Variants in TFDP2 observed in about 807,000 individuals in gnomAD.
TFDP2 encodes transcription factor Dp-2 (E2F dimerization partner 2).
In TFDP2, 17 loss-of-function variants were observed where a neutral mutation model predicts 59.3. The ratio of observed to expected loss-of-function variants is 0.29; its 90% CI spans 0.20 to 0.43. The LOEUF (loss-of-function observed/expected upper bound fraction) is 0.43, where lower values mean the gene tolerates loss of function less well. Among genes scored for constraint, TFDP2 ranks in the 20% least tolerant of loss-of-function variants. The probability of loss-of-function intolerance (pLI) is 1.00; values close to 1 mark genes in which losing one functional copy is unlikely to be tolerated. For synonymous variants in TFDP2, 180 were observed against 194.7 expected, an observed-to-expected ratio of 0.92 and a Z score of 0.63; for missense variants, 391 against 528.8, an observed-to-expected ratio of 0.74 and a Z score of 2.56.
intron 3 of TFDP2, among the ~76,000 whole-genome samples, chr3:142,080,913 C>T (rs566032324): frequency 2.6e-5 from 4 of 152,268 alleles, no homozygotes; most frequent in African/African-American, 9.6e-5. Context: ...CCACTTTGAG[C>T]AATGAACAGA....
At chr3:142,094,990 T>C (rs1194084715) in intron 2 of TFDP2, among the ~76,000 whole-genome samples, 1 of 140,132 alleles carries the variant, frequency 7.1e-6, no homozygotes, top group Non-Finnish European at 1.5e-5. Flanking sequence ...CTTATATTTT[T>C]CTTCTTCTTT....
intron 1 of TFDP2, among the ~76,000 whole-genome samples, chr3:142,103,330 GA>G (rs148259085): frequency 2.1e-3 from 306 of 148,200 alleles, no homozygotes; most frequent in African/African-American, 7.3e-3. Context: ...CACTGAACTA[GA>G]AAAAAAAAAC....
intron 3 of TFDP2, among the ~76,000 whole-genome samples, chr3:142,039,287 T>C (rs535152196): frequency 5.3e-5 from 8 of 152,350 alleles, no homozygotes; most frequent in Admixed American, 3.3e-4. Flanking sequence ...TTTTTATTTG[T>C]ATTGCATTTA....
At chr3:141,980,268 AAAAC>A (rs976831479) in intron 6 of TFDP2, among the ~76,000 whole-genome samples, 4 of 151,854 alleles carry the variant, frequency 2.6e-5, no homozygotes, top group Admixed American at 1.3e-4. Flanking sequence ...TAGAAATTAA[AAAAC>A]AAACAGAAAA....
chr3:142,020,462 G>C (rs929233247), intron 3 of TFDP2, among the ~76,000 whole-genome samples: 1 of 151,740 alleles, frequency 6.6e-6, no homozygotes, highest in Non-Finnish European at 1.5e-5. Flanking sequence ...TTGCACTCGG[G>C]AAGTGGAGGT....
chr3:142,076,902 T>A (rs2060477078), intron 3 of TFDP2, among the ~76,000 whole-genome samples: 1 of 152,182 alleles, frequency 6.6e-6, no homozygotes, highest in Admixed American at 6.5e-5. Context: ...GGAGCGATCA[T>A]AATACCTGGT....
rs909856414 is a variant in TFDP2 at position 141,983,351 on chromosome 3, A to C, written c.357-4669T>G. 2.6e-5 allele frequency among the ~76,000 whole-genome samples: 4 copies of C among 152,176 alleles called. No individual in the cohort carries two copies. In the South Asian group the frequency reaches 6.2e-4, roughly 24 times the overall value. On this transcript the variant is annotated intron_variant, in intron 6 of 12. Transcript: ENST00000489671. Reference sequence around the variant, plus strand: ...GAAACAACTCAATTCAAAAATGGGCAAAGGGCCAGGTGCAGTGGCTCGTGC... The same window carrying C: ...GAAACAACTCAATTCAAAAATGGGCCAAGGGCCAGGTGCAGTGGCTCGTGC...
At chr3:142,016,545 T>C (rs931059585) in intron 3 of TFDP2, among the ~76,000 whole-genome samples, 4 of 151,446 alleles carry the variant, frequency 2.6e-5, no homozygotes, top group African/African-American at 4.9e-5. Context: ...AAGCGATCCA[T>C]GTGCCTTGGC....
intron 1 of TFDP2, among the ~76,000 whole-genome samples, chr3:142,111,372 T>G (rs1235842759): frequency 6.9e-6 from 1 of 144,254 alleles, no homozygotes; most frequent in Non-Finnish European, 1.5e-5. Flanking sequence ...AGGTTGCAGT[T>G]AGCTGAGATC....
At position 142,149,435 on chromosome 3, in the gene TFDP2, TGCGGCAGCGCCGCAGCCGA is replaced by T. The variant is rs1199363159; in HGVS notation, c.-364_-346del. ...GGGCGCGCCCCGCGGGCCGGGCAGC[TGCGGCAGCGCCGCAGCCGA>T]GATCGCTACCGATTTCGTCCGCCCT... On this transcript the variant is annotated 5_prime_UTR_variant, in exon 1 of 13. Coordinates refer to ENST00000489671, the MANE Select transcript of TFDP2 (RefSeq NM_001178139.2). The T allele has an allele frequency of 2.6e-6, 1 of 380,414 alleles. No homozygotes were observed. The highest frequency in any genetic ancestry group is 4.7e-6 in the Non-Finnish European group (1 of 214,828). The allele number at this position is 380,414 out of a possible 1,614,324, so 23.6% of individuals were successfully genotyped here. A position where few individuals can be genotyped will look rare whatever the true frequency, so the allele number is the denominator to read the frequency against.
chr3:142,090,138 C>T (rs1357543150), intron 3 of TFDP2, among the ~76,000 whole-genome samples: 1 of 152,068 alleles, frequency 6.6e-6, no homozygotes, highest in Non-Finnish European at 1.5e-5. Flanking sequence ...GCTAACAGCT[C>T]AAAGAAGAGC....
chr3:142,061,894 A>T (rs1299484150), intron 3 of TFDP2, among the ~76,000 whole-genome samples: 1,287 of 5,400 alleles, frequency 0.24, 14 homozygotes, highest in Admixed American at 0.31. Flanking sequence ...CTCTCTACAC[A>T]CACACACACA....
At chr3:142,101,374 A>T (rs73233875) in intron 2 of TFDP2, among the ~76,000 whole-genome samples, 12,795 of 151,090 alleles carry the variant, frequency 0.085, 679 homozygotes, top group Middle Eastern at 0.14. Context: ...AAAAAAAAAA[A>T]TAAGCCAAAG....
intron 1 of TFDP2, among the ~76,000 whole-genome samples, chr3:142,125,280 T>C (rs1052289563): frequency 6.6e-6 from 1 of 152,026 alleles, no homozygotes; most frequent in Non-Finnish European, 1.5e-5. Context: ...ATAAGAGAAA[T>C]GTAAAATAAG....
intron 3 of TFDP2, among the ~76,000 whole-genome samples, chr3:142,092,149 TACC>T: frequency 2.0e-5 from 3 of 152,204 alleles, no homozygotes; most frequent in Non-Finnish European, 4.4e-5. Context: ...TTATCTATAA[TACC>T]ACCCACTTTA....
intron 2 of TFDP2, among the ~76,000 whole-genome samples, 192 bp downstream of exon 2, chr3:142,101,543 A>G (rs2108646841): frequency 6.6e-6 from 1 of 152,290 alleles, no homozygotes; most frequent in African/African-American, 2.4e-5. Context: ...CAAGAATGCT[A>G]CTATCTCCAT....
At chr3:141,964,010 T>A (rs775639900) in intron 9 of TFDP2, 47 bp from the exon 10 acceptor site, 5 of 1,556,042 alleles carry the variant, frequency 3.2e-6, no homozygotes, top group Non-Finnish European at 4.4e-6. Context: ...CATAAGTGAG[T>A]TGGAATTTAA....
chr3:142,097,340 T>C (rs1298636002), intron 2 of TFDP2, among the ~76,000 whole-genome samples: 2 of 152,100 alleles, frequency 1.3e-5, no homozygotes, highest in Non-Finnish European at 2.9e-5. Flanking sequence ...AAAGCAGAAG[T>C]AACTTAATGG....
At chr3:142,051,154 T>C in intron 3 of TFDP2, among the ~76,000 whole-genome samples, 1 of 152,178 alleles carries the variant, frequency 6.6e-6, no homozygotes, top group East Asian at 1.9e-4. Context: ...TGGAAGACTC[T>C]CCTGCGCATT....
Sources: gnomAD v4.1 joint callset for allele counts (sites outside exome capture counted in the v4.1 genomes callset) on GRCh38, gnomAD v4.1.1 for gene constraint, MANE v1.5 for transcripts, NCBI Gene and HGNC (gene_info 2026-07-23, HGNC 2026-07-21) for gene names.